Variants in OTUD7A observed in about 807,000 individuals in gnomAD.
OTUD7A encodes OTU deubiquitinase 7A.
OTUD7A carries 12 observed loss-of-function variants against 65.7 expected under a neutral mutation model. The ratio of observed to expected loss-of-function variants is 0.18; its 90% CI spans 0.12 to 0.30. OTUD7A has a LOEUF of 0.30. Ranked by LOEUF, OTUD7A falls within the 10% of genes least tolerant of loss-of-function variation. The pLI is 1.00. For synonymous variants in OTUD7A, 641 were observed against 586.3 expected (o/e 1.09, Z -1.35); for missense variants, 1,148 against 1,304.8 (o/e 0.88, Z 1.85).
At chr15:31,546,490 A>G (rs1169285683) in intron 5 of OTUD7A, among the ~76,000 whole-genome samples, 2 of 152,218 alleles carry the variant, frequency 1.3e-5, no homozygotes, top group Non-Finnish European at 2.9e-5. Context: ...TTCAACTCTC[A>G]AACTGTCCCC....
rs776208162 is a variant in OTUD7A, at chr15:31,655,105, G to A, written c.142C>T (p.Leu48=). The A allele has an allele frequency of 8.7e-6, 14 of 1,605,728 alleles. No homozygotes were observed. The highest frequency in any genetic ancestry group is 1.1e-5 in the Non-Finnish European group (13 of 1,177,392). Reference sequence around the variant, plus strand: ...AAGGAGGTGGGCTTACCTTCCAGCAGGTCTCTGGCCAGACCAGGTTCTGCC... The same window carrying A: ...AAGGAGGTGGGCTTACCTTCCAGCAAGTCTCTGGCCAGACCAGGTTCTGCC... The part of the protein sequence containing the change: ...TGAEPGLARD[L]LEGKNWDLTA... The change falls in exon 3 of 13, where the codon CTG becomes TTG. Residue 48 remains leucine (L), a synonymous_variant. Coordinates refer to ENST00000307050, the MANE Select transcript of OTUD7A (RefSeq NM_001382637.1).
chr15:31,700,622 T>A (rs1893193000), intron 1 of OTUD7A, among the ~76,000 whole-genome samples: 1 of 152,152 alleles, frequency 6.6e-6, no homozygotes, highest in African/African-American at 2.4e-5. Flanking sequence ...CATAAAATCA[T>A]GATATTCATA....
At chr15:31,619,229 T>C (rs1890695356) in intron 3 of OTUD7A, among the ~76,000 whole-genome samples, 1 of 152,324 alleles carries the variant, frequency 6.6e-6, no homozygotes, top group Middle Eastern at 3.4e-3. Context: ...GCTTTGTTCT[T>C]TTGGCTTAGG....
intron 1 of OTUD7A, among the ~76,000 whole-genome samples, chr15:31,859,819 T>C (rs542507140): frequency 6.6e-6 from 1 of 152,300 alleles, no homozygotes; most frequent in East Asian, 1.9e-4. Context: ...CAATAGGAAG[T>C]GGAGGACCTC....
chr15:31,817,197 T>C (rs1896571269), intron 1 of OTUD7A, among the ~76,000 whole-genome samples: 1 of 151,870 alleles, frequency 6.6e-6, no homozygotes, highest in African/African-American at 2.4e-5. Flanking sequence ...CCCATTGCTG[T>C]CCATGCTTTT....
rs142658005 is a variant in OTUD7A, at chr15:31,636,760, C to T, written c.151+18336G>A. Among the ~76,000 whole-genome samples the T allele has an allele frequency of 5.9e-5, 9 of 152,260 alleles. No homozygotes were observed. The East Asian group carries it at 1.7e-3, about 29-fold the overall frequency. On this transcript the variant is annotated intron_variant, in intron 3 of 12. Transcript: ENST00000307050. ...ACAAATGATAAGAAAGTGAAACAGTCTTATTGCCGATACGGAGAAAGTTTC... is the reference window on the plus strand; with the variant it reads ...ACAAATGATAAGAAAGTGAAACAGTTTTATTGCCGATACGGAGAAAGTTTC...
chr15:31,512,426 T>C (rs1209576443), intron 8 of OTUD7A, among the ~76,000 whole-genome samples: 2 of 152,204 alleles, frequency 1.3e-5, no homozygotes, highest in Non-Finnish European at 2.9e-5. Flanking sequence ...CGTAAAGCAA[T>C]ATTACTTGAA....
intron 5 of OTUD7A, among the ~76,000 whole-genome samples, chr15:31,535,583 C>A (rs1361283880): frequency 6.6e-6 from 1 of 152,020 alleles, no homozygotes; most frequent in Non-Finnish European, 1.5e-5. Context: ...TTCAGAGCAG[C>A]CTTATTTCTC....
chr15:31,754,647 T>C (rs1894758074), intron 1 of OTUD7A, among the ~76,000 whole-genome samples: 1 of 152,180 alleles, frequency 6.6e-6, no homozygotes, highest in African/African-American at 2.4e-5. Context: ...GTTTGCTTTG[T>C]TGAAGATCAG....
In OTUD7A at chr15:31,817,478, T is replaced by G. The variant is rs541709537; in HGVS notation, c.-100+53029A>C. On this transcript the variant is annotated intron_variant, in intron 1 of 12. Coordinates refer to ENST00000307050, the MANE Select transcript of OTUD7A (RefSeq NM_001382637.1). ...TGCTCCATCCAGAAATTCAATATAA[T>G]TTATGGACTAGAATGAATTCTATAG... is the stretch of plus-strand genomic sequence containing the variant. 1.5e-4 allele frequency among the ~76,000 whole-genome samples: 23 copies of G among 152,314 alleles called. No homozygotes were observed. The South Asian group carries it at 4.8e-3, about 32-fold the overall frequency.
chr15:31,566,309 G>C (rs535930070), intron 4 of OTUD7A, among the ~76,000 whole-genome samples: 5 of 152,254 alleles, frequency 3.3e-5, no homozygotes, highest in Admixed American at 2.6e-4. Context: ...ATTGTGTATG[G>C]GAAAATATTC....
intron 4 of OTUD7A, among the ~76,000 whole-genome samples, chr15:31,563,627 G>A (rs896691024): frequency 6.6e-6 from 1 of 152,238 alleles, no homozygotes; most frequent in African/African-American, 2.4e-5. Context: ...AGAATGTCAG[G>A]TGGTGCTGGA....
chr15:31,579,263 T>C (rs1031806359), intron 3 of OTUD7A, among the ~76,000 whole-genome samples: 1 of 152,216 alleles, frequency 6.6e-6, no homozygotes, highest in Non-Finnish European at 1.5e-5. Context: ...TTGTAACAAA[T>C]ACTGTAATAA....
intron 5 of OTUD7A, chr15:31,557,193 G>A (rs1344654857): frequency 1.3e-5 from 2 of 152,246 alleles, no homozygotes; most frequent in Admixed American, 6.5e-5. Context: ...GGCACATCTC[G>A]TCCTTTGTCT....
Position 31,655,259 on chromosome 15 carries a change from A to C in OTUD7A, c.-4-9T>G. 8.2e-7 allele frequency: 1 copy of C among 1,224,878 alleles called. No individual in the cohort carries two copies. The highest frequency in any genetic ancestry group is 1.4e-5 in the South Asian group (1 of 72,362). The allele number at this position is 1,224,878 out of a possible 1,614,324, so 75.9% of individuals were successfully genotyped here. A position where few individuals can be genotyped will look rare whatever the true frequency, so the allele number is the denominator to read the frequency against. ...CACTAGAAACCATCCATCTGCAGGAAAGAAGAGAAAGGGCATTTTACCACG... is the reference window on the plus strand; with the variant it reads ...CACTAGAAACCATCCATCTGCAGGACAGAAGAGAAAGGGCATTTTACCACG... On this transcript the variant is annotated splice_polypyrimidine_tract_variant and intron_variant, in intron 2 of 12. Transcript: ENST00000307050.
intron 1 of OTUD7A, among the ~76,000 whole-genome samples, chr15:31,843,290 T>C (rs1266669973): frequency 7.4e-6 from 1 of 134,592 alleles, no homozygotes; most frequent in Non-Finnish European, 1.6e-5. Flanking sequence ...TTTCTGATCA[T>C]AGCATTATAA....
intron 1 of OTUD7A, among the ~76,000 whole-genome samples, chr15:31,772,629 T>C (rs1384289945): frequency 2.0e-5 from 3 of 152,204 alleles, no homozygotes; most frequent in East Asian, 1.9e-4. Flanking sequence ...ACTAGGACAT[T>C]TGAAAGCCCC....
chr15:31,487,652 G>T lies in OTUD7A; in HGVS notation c.1172-86C>A. The T allele has an allele frequency of 9.7e-7, 1 of 1,032,674 alleles. No homozygotes were observed. The highest frequency in any genetic ancestry group is 1.6e-5 in the African/African-American group (1 of 61,830). The allele number at this position is 1,032,674 out of a possible 1,614,324, so 64.0% of individuals were successfully genotyped here. A position where few individuals can be genotyped will look rare whatever the true frequency, so the allele number is the denominator to read the frequency against. On this transcript the variant is annotated intron_variant, in intron 10 of 12. Transcript: ENST00000307050. This position sits in a 1 kb window ranked among gnomAD's most constrained non-coding sequence, Gnocchi z 6.0. ...GGAAATTCCCAAGCCAGGTATCTGG[G>T]TGACAAATGCACCGAGTGGACATCT...
In OTUD7A at chr15:31,762,126, G is replaced by A. The variant is rs150625090; in HGVS notation, c.-99-105049C>T. 9.3e-4 allele frequency among the ~76,000 whole-genome samples: 142 copies of A among 152,278 alleles called. 1 individual carries two copies. Among genetic ancestry groups the A allele is most frequent in the African/African-American group, 3.3e-3 (137 of 41,548 alleles). On this transcript the variant is annotated intron_variant, in intron 1 of 12. Coordinates refer to ENST00000307050, the MANE Select transcript of OTUD7A (RefSeq NM_001382637.1). ...AAATCAATAAACTGTACTTTTAGTG[G>A]GTGAATTATGGTATGTGAATTATAT...
Sources: allele counts gnomAD v4.1 joint callset (sites outside exome capture counted in the v4.1 genomes callset), GRCh38; gene constraint gnomAD v4.1.1; non-coding constraint Gnocchi (gnomAD v3.1); transcripts MANE v1.5; gene names NCBI Gene and HGNC (gene_info 2026-07-23, HGNC 2026-07-21).